The following HDAC10 variants were observed in gnomAD, a reference collection of about 807,000 sequenced individuals.
HDAC10 encodes polyamine deacetylase HDAC10.
A neutral mutation model predicts 82.3 loss-of-function variants in HDAC10; 90 were observed. The observed-to-expected ratio is 1.09, with a 90% CI of 0.92 to 1.30. The LOEUF (loss-of-function observed/expected upper bound fraction) is 1.30, where lower values mean the gene tolerates loss of function less well. Among genes scored for constraint, HDAC10 ranks in the 50% most tolerant of loss-of-function variants. The pLI, the probability that HDAC10 is intolerant of heterozygous loss-of-function variation, is 0.00. For synonymous variants in HDAC10, 456 were observed against 391.7 expected, an observed-to-expected ratio of 1.16 and a Z score of -1.94; for missense variants, 934 against 876.3, an observed-to-expected ratio of 1.07 and a Z score of -0.83.
In HDAC10 at chr22:50,251,003, G is replaced by A. The variant is rs1226180913; in HGVS notation, c.30C>T (p.Asp10=). ...CCCAGAGCAGCCGGGTGGCCGTCATGTCCTCATGGTACACAAGCGCGGTCC... is the reference window on the plus strand; with the variant it reads ...CCCAGAGCAGCCGGGTGGCCGTCATATCCTCATGGTACACAAGCGCGGTCC... The part of the protein sequence containing the change: MGTALVYHE[D]MTATRLLWDD... Residue 10 remains aspartate (D), a synonymous_variant, in exon 1 of 20, where the codon GAC becomes GAT. Coordinates refer to ENST00000216271, the MANE Select transcript of HDAC10 (RefSeq NM_032019.6). 1.9e-6 allele frequency: 3 copies of A among 1,612,572 alleles called. No homozygotes were observed. In the Admixed American group the frequency reaches 5.0e-5, roughly 27 times the overall value.
Position 50,245,477 on chromosome 22 carries a change from G to A in HDAC10, c.*30C>T. ...GGCGCTGGCGTGCGGTGTCATTTCTGCGGTGTAAATGCTCCCACCTTGGCC... is the reference window on the plus strand; with the variant it reads ...GGCGCTGGCGTGCGGTGTCATTTCTACGGTGTAAATGCTCCCACCTTGGCC... On this transcript the variant is annotated 3_prime_UTR_variant, in exon 20 of 20. Coordinates refer to ENST00000216271, the MANE Select transcript of HDAC10 (RefSeq NM_032019.6). 1.3e-6 allele frequency: 1 copy of A among 787,278 alleles called. No individual in the cohort carries two copies. The highest frequency in any genetic ancestry group is 2.3e-6 in the Non-Finnish European group (1 of 433,386). The allele number at this position is 787,278 out of a possible 1,614,324, so 48.8% of individuals were successfully genotyped here.
Position 50,249,337 on chromosome 22 carries a change from G to A in HDAC10, c.681C>T (p.Pro227=). The change falls in exon 7 of 20, where the codon CCC becomes CCT. Residue 227 remains proline (P), a synonymous_variant. Transcript: ENST00000216271. The surrounding 1 kb of genome is among the most constrained non-coding windows in gnomAD (Gnocchi z 4.4). ...GQGLGFTVNL[P]WNQVGMGNAD... ...GCTTGAGGGTGGGCACCTGGTTCCA[G>A]GGCAGGTTGACAGTGAAGCCGAGGC... is the stretch of plus-strand genomic sequence containing the variant. 6.2e-7 allele frequency: 1 copy of A among 1,609,868 alleles called. No homozygotes were observed. The highest frequency in any genetic ancestry group is 8.5e-7 in the Non-Finnish European group (1 of 1,178,764).
In HDAC10 at chr22:50,251,082, C is replaced by T. The variant is rs1461277255; in HGVS notation, c.-50G>A. On this transcript the variant is annotated 5_prime_UTR_variant, in exon 1 of 20. Coordinates refer to ENST00000216271, the MANE Select transcript of HDAC10 (RefSeq NM_032019.6). Reference sequence around the variant, plus strand: ...TCCCAAACGCCCTCGCTAGTGGTGCCTGCCACTGCCTGTCCCCACCTTCGG... The same window carrying T: ...TCCCAAACGCCCTCGCTAGTGGTGCTTGCCACTGCCTGTCCCCACCTTCGG... The T allele has an allele frequency of 2.0e-6, 3 of 1,536,844 alleles. No homozygotes were observed. In the South Asian group the frequency reaches 3.5e-5, roughly 18 times the overall value.
In HDAC10 at chr22:50,248,999, G is replaced by C. The variant is rs758533839; in HGVS notation, c.756+104C>G. 1.4e-6 allele frequency: 2 copies of C among 1,445,232 alleles called. No homozygotes were observed. Among genetic ancestry groups the C allele is most frequent in the African/African-American group, 1.4e-5 (1 of 71,234 alleles). The allele number at this position is 1,445,232 out of a possible 1,614,324, so 89.5% of individuals were successfully genotyped here. A position where few individuals can be genotyped will look rare whatever the true frequency, so the allele number is the denominator to read the frequency against. On this transcript the variant is annotated intron_variant, in intron 8 of 19. Transcript: ENST00000216271. This position sits in a 1 kb window ranked among gnomAD's most constrained non-coding sequence, Gnocchi z 5.4. Reference sequence around the variant, plus strand: ...CCTGAGCACCTTCCCCAGCCACACAGGAGTGGGACAGCTCATAACCCTCCT... The same window carrying C: ...CCTGAGCACCTTCCCCAGCCACACACGAGTGGGACAGCTCATAACCCTCCT...
intron 19 of HDAC10, 48 bp from the exon 20 acceptor site, chr22:50,245,578 A>C: frequency 6.7e-7 from 1 of 1,487,832 alleles, no homozygotes; most frequent in Non-Finnish European, 9.4e-7. Flanking sequence ...CCGGCGCTGG[A>C]GCTGGTTCAG....
In HDAC10 at chr22:50,250,466, C is replaced by T; in HGVS notation, c.252G>A (p.Gln84=). 1 of 1,613,018 alleles carries T rather than the reference C, an allele frequency of 6.2e-7. No individual in the cohort carries two copies. The highest frequency in any genetic ancestry group is 1.7e-4 in the Middle Eastern group (1 of 6,060). The change falls in exon 3 of 20, where the codon CAG becomes CAA. Residue 84 remains glutamine, a synonymous_variant. Transcript: ENST00000216271. The stretch of plus-strand genomic sequence containing the variant: ...TGGCGTCGAACTGTCCGGACAGCGC[C>T]TGCAGCTCCTCCTTGCCTAGGACCT... ...ETQVLGKEEL[Q]ALSGQFDAIY... is the part of the protein sequence containing the mutation.
Position 50,245,343 on chromosome 22 carries a change from G to C in HDAC10, c.*164C>G. 1 of 647,260 alleles carries C rather than the reference G, an allele frequency of 1.5e-6. No homozygotes were observed. The highest frequency in any genetic ancestry group is 2.7e-5 in the East Asian group (1 of 36,610). 40.1% of individuals were successfully genotyped at this position (647,260 alleles called of 1,614,324 possible). A position where few individuals can be genotyped will look rare whatever the true frequency, so the allele number is the denominator to read the frequency against. On this transcript the variant is annotated 3_prime_UTR_variant, in exon 20 of 20. Coordinates refer to ENST00000216271, the MANE Select transcript of HDAC10 (RefSeq NM_032019.6). ...GGCGAGGTGAGGTGAGGGGTGGAGC[G>C]GGGGAAGCACGGGTGGGAGAGGGCG...
In HDAC10 at chr22:50,250,863, G is replaced by A; in HGVS notation, c.102C>T (p.Ala34=). ...GGCCGCGCTGCCGCAGGCGATCCAG[G>A]GCTGCGGTCAGGCGCTCAGGACGCT... ...EIERPERLTA[A]LDRLRQRGLE... The change falls in exon 2 of 20, where the codon GCC becomes GCT. Residue 34 remains alanine (A), a synonymous_variant. Coordinates refer to ENST00000216271, the MANE Select transcript of HDAC10 (RefSeq NM_032019.6). 6.2e-7 allele frequency: 1 copy of A among 1,602,418 alleles called. No homozygotes were observed. The highest frequency in any genetic ancestry group is 1.1e-5 in the South Asian group (1 of 89,676).
In HDAC10 at chr22:50,251,243, G is replaced by C. The variant is rs927824501; in HGVS notation, c.-211C>G. On this transcript the variant is annotated 5_prime_UTR_variant, in exon 1 of 20. Coordinates refer to ENST00000216271, the MANE Select transcript of HDAC10 (RefSeq NM_032019.6). ...GAAGGCACGGAGCGAGGCTGCAGTC[G>C]AAGGGGGAGGCTCCCCGCGCCTGGC... is the stretch of plus-strand genomic sequence containing the variant. The C allele has an allele frequency of 8.0e-6, 4 of 500,550 alleles. No homozygotes were observed. In the South Asian group the frequency reaches 9.1e-5, roughly 11 times the overall value. 31.0% of individuals were successfully genotyped at this position (500,550 alleles called of 1,614,324 possible).
intron 14 of HDAC10, chr22:50,247,334 T>C (rs1434267401): frequency 3.2e-6 from 1 of 310,718 alleles, no homozygotes; most frequent in African/African-American, 2.2e-5. Flanking sequence ...GGTCTCCATA[T>C]GTTCTCTAGG....
In HDAC10 at chr22:50,249,196, G is replaced by A; in HGVS notation, c.691-28C>T. ...GGCAGGACATCCCAGGCTACATCCT[G>A]AACTGTGGGGCAGGGGAGGGGCCCG... On this transcript the variant is annotated intron_variant, in intron 7 of 19. Transcript: ENST00000216271. This position sits in a 1 kb window ranked among gnomAD's most constrained non-coding sequence, Gnocchi z 4.4. 4 of 1,301,542 alleles carry A rather than the reference G, an allele frequency of 3.1e-6. No individual in the cohort carries two copies. In the South Asian group the frequency reaches 5.0e-5, roughly 16 times the overall value. The allele number at this position is 1,301,542 out of a possible 1,614,324, so 80.6% of individuals were successfully genotyped here.
Position 50,250,166 on chromosome 22 carries a change from G to A in HDAC10, c.292-6C>T. The A allele has an allele frequency of 6.2e-7, 1 of 1,609,216 alleles. No homozygotes were observed. On this transcript the variant is annotated splice_polypyrimidine_tract_variant and splice_region_variant and intron_variant, in intron 3 of 19. Transcript: ENST00000216271. ...CGCGCGCAGTGAAAGGTACTCTGTGGGCGCAGGGGCGCAGATGAGCCCCCT... is the reference window on the plus strand; with the variant it reads ...CGCGCGCAGTGAAAGGTACTCTGTGAGCGCAGGGGCGCAGATGAGCCCCCT...
Position 50,249,229 on chromosome 22 carries a change from G to T in HDAC10, c.691-61C>A. 7.5e-7 allele frequency: 1 copy of T among 1,341,482 alleles called. No homozygotes were observed. Among genetic ancestry groups the T allele is most frequent in the South Asian group, 1.3e-5 (1 of 78,120 alleles). The allele number at this position is 1,341,482 out of a possible 1,614,324, so 83.1% of individuals were successfully genotyped here. The stretch of plus-strand genomic sequence containing the variant: ...GGGCAGGGGAGGGGCCCGGGGGAGG[G>T]GGTGGGTGGGGACCTGGGGCTTGAG... On this transcript the variant is annotated intron_variant, in intron 7 of 19. Transcript: ENST00000216271. The surrounding 1 kb of genome is among the most constrained non-coding windows in gnomAD (Gnocchi z 4.4).
Position 50,249,870 on chromosome 22 carries a change from C to T in HDAC10, c.484G>A (p.Gly162Arg), listed in dbSNP as rs377561552. ...IAAAHAKQKH[G>R]LHRILVVDWD... ...CAGCCTGGCACACACCTGTGTAGCCCGTGTTTCTGCTTGGCATGTGCAGCT... is the reference window on the plus strand; with the variant it reads ...CAGCCTGGCACACACCTGTGTAGCCTGTGTTTCTGCTTGGCATGTGCAGCT... Residue 162 changes from glycine (G) to arginine (R), a missense_variant, in exon 5 of 20, where the codon GGG (glycine) becomes AGG (arginine). Physicochemically the swap from Gly to Arg is moderately radical, Grantham distance 125 (BLOSUM62 -2). Transcript: ENST00000216271. The surrounding 1 kb of genome is among the most constrained non-coding windows in gnomAD (Gnocchi z 4.4). The T allele has an allele frequency of 4.3e-6, 7 of 1,612,336 alleles. No individual in the cohort carries two copies. Among genetic ancestry groups the T allele is most frequent in the Admixed American group, 3.3e-5 (2 of 59,970 alleles).
Position 50,248,810 on chromosome 22 carries a change from C to A in HDAC10, c.816+21G>T. ...GGCCCCAGGACCCCAGAAGCCCTCC[C>A]TGGCAAGGCAAGGCCCTCACCTCAG... is the stretch of plus-strand genomic sequence containing the variant. On this transcript the variant is annotated intron_variant, in intron 9 of 19. Coordinates refer to ENST00000216271, the MANE Select transcript of HDAC10 (RefSeq NM_032019.6). This position sits in a 1 kb window ranked among gnomAD's most constrained non-coding sequence, Gnocchi z 5.4. 3 of 1,608,504 alleles carry A rather than the reference C, an allele frequency of 1.9e-6. No homozygotes were observed. The highest frequency in any genetic ancestry group is 2.5e-6 in the Non-Finnish European group (3 of 1,177,888).
chr22:50,250,451 C>G lies in HDAC10; in HGVS notation c.267G>C (p.Gln89His). 3.7e-6 allele frequency: 6 copies of G among 1,613,010 alleles called. No homozygotes were observed. Among genetic ancestry groups the G allele is most frequent in the Non-Finnish European group, 5.1e-6 (6 of 1,179,972 alleles). Residue 89 changes from glutamine (Q) to histidine (H), a missense_variant, in exon 3 of 20, where the codon CAG becomes CAC. Transcript: ENST00000216271. ...CCGGGTGGAAGTAGATGGCGTCGAA[C>G]TGTCCGGACAGCGCCTGCAGCTCCT... ...GKEELQALSG[Q>H]FDAIYFHPST...
At chr22:50,246,500 G>T in intron 16 of HDAC10, 124 bp from the exon 17 acceptor site, 1 of 1,040,502 alleles carries the variant, frequency 9.6e-7, no homozygotes, top group Non-Finnish European at 1.5e-6. Flanking sequence ...CTGAGCCTCT[G>T]TGCTGGAGAC....
rs781535624 is a variant in HDAC10 at position 50,248,042 on chromosome 22, C to G, written c.1185G>C (p.Pro395=). 6.2e-7 allele frequency: 1 copy of G among 1,611,728 alleles called. No homozygotes were observed. Among genetic ancestry groups the G allele is most frequent in the African/African-American group, 1.3e-5 (1 of 74,996 alleles). ...GGCACGGCTGGTCCAGGAGGGAGCT[C>G]GGTGCAGATGCAGCTGCCTTACACA... is the stretch of plus-strand genomic sequence containing the variant. ...GPVCKAAASA[P]SSLLDQPCLC... Residue 395 remains proline (P), a synonymous_variant, in exon 13 of 20, where the codon CCG becomes CCC. Coordinates refer to ENST00000216271, the MANE Select transcript of HDAC10 (RefSeq NM_032019.6). The surrounding 1 kb of genome is among the most constrained non-coding windows in gnomAD (Gnocchi z 5.4).
rs750312943 is a variant in HDAC10, at chr22:50,249,588, C to T, written c.563+47G>A. On this transcript the variant is annotated intron_variant, in intron 6 of 19. Coordinates refer to ENST00000216271, the MANE Select transcript of HDAC10 (RefSeq NM_032019.6). The surrounding 1 kb of genome is among the most constrained non-coding windows in gnomAD (Gnocchi z 4.4). ...ATTTTCCCAGGCCAGGCTGTGCACC[C>T]AAAAACTGGGGCTGCAGGGAAGGGT... The T allele has an allele frequency of 1.2e-6, 2 of 1,610,916 alleles. No homozygotes were observed. The highest frequency in any genetic ancestry group is 8.5e-7 in the Non-Finnish European group (1 of 1,178,544).
Sources: gnomAD v4.1 joint callset for allele counts on GRCh38, gnomAD v4.1.1 for gene constraint, Gnocchi (gnomAD v3.1) non-coding constraint, MANE v1.5 for transcripts, NCBI Gene and HGNC (gene_info 2026-07-23, HGNC 2026-07-21) for gene names.